The following KCNG3 variants were observed in gnomAD, a reference collection of about 807,000 sequenced individuals.
KCNG3 encodes potassium voltage-gated channel modifier subfamily G member 3, also known as voltage-gated potassium channel regulatory subunit KCNG3.
A neutral mutation model predicts 29.0 loss-of-function variants in KCNG3; 15 were observed. The observed-to-expected ratio is 0.52, with a 90% CI of 0.35 to 0.80. KCNG3 has a LOEUF of 0.80. Among genes scored for constraint, KCNG3 ranks in the 30% least tolerant of loss-of-function variants. The pLI is 0.01. For synonymous variants in KCNG3, 322 were observed against 248.9 expected, an observed-to-expected ratio of 1.29 and a Z score of -2.76; for missense variants, 512 against 605.7, an observed-to-expected ratio of 0.85 and a Z score of 1.62.
Position 42,492,930 on chromosome 2 carries a change from C to A in KCNG3, c.572G>T (p.Ser191Ile). 1.3e-6 allele frequency: 2 copies of A among 1,588,894 alleles called. No homozygotes were observed. The highest frequency in any genetic ancestry group is 1.7e-6 in the Non-Finnish European group (2 of 1,171,400). ...VIVSMVVLCASTLPDWRNAAA... is the reference protein window; with the variant it reads ...VIVSMVVLCAITLPDWRNAAA... ...TGCGTTGCGCCAGTCGGGCAACGTGCTGGCGCACAGCACCACCATGGACAC... is the reference window on the plus strand; with the variant it reads ...TGCGTTGCGCCAGTCGGGCAACGTGATGGCGCACAGCACCACCATGGACAC... Residue 191 changes from serine (S) to isoleucine (I), a missense_variant, in exon 1 of 2, where the codon AGC (serine) becomes ATC (isoleucine). Ser to Ile is a moderately radical substitution (Grantham distance 142, BLOSUM62 -2). Transcript: ENST00000306078.
the KCNG3 span, among the ~76,000 whole-genome samples, chr2:42,428,697 A>G: frequency 6.6e-6 from 1 of 152,208 alleles, no homozygotes; most frequent in Non-Finnish European, 1.5e-5. Flanking sequence ...AGCTAGCTTA[A>G]TAAATAATAA....
chr2:42,399,270 C>T, the KCNG3 span, among the ~76,000 whole-genome samples: 4 of 152,030 alleles, frequency 2.6e-5, no homozygotes, highest in Non-Finnish European at 4.4e-5. Flanking sequence ...TTGGCCCAGG[C>T]TGGTCTTGAA....
the KCNG3 span, among the ~76,000 whole-genome samples, chr2:42,429,490 A>C: frequency 6.6e-6 from 1 of 152,218 alleles, no homozygotes; most frequent in Non-Finnish European, 1.5e-5. Context: ...TCTTGAGTAT[A>C]CCAGACAGGT....
chr2:42,395,949 G>C, the KCNG3 span, among the ~76,000 whole-genome samples: 1 of 151,676 alleles, frequency 6.6e-6, no homozygotes, highest in East Asian at 1.9e-4. Flanking sequence ...GCAAAACCTT[G>C]TTTCAAAAAA....
At chr2:42,478,426 T>A (rs781609279) in intron 1 of KCNG3, among the ~76,000 whole-genome samples, 1 of 151,886 alleles carries the variant, frequency 6.6e-6, no homozygotes, top group Non-Finnish European at 1.5e-5. Context: ...AGAAGAGGTC[T>A]CATGATATTG....
At chr2:42,479,645 CAAA>C (rs1228507786) in intron 1 of KCNG3, among the ~76,000 whole-genome samples, 9 of 91,058 alleles carry the variant, frequency 9.9e-5, no homozygotes, top group Non-Finnish European at 1.2e-4. Flanking sequence ...GACCCTGTCT[CAAA>C]AAAAAAAAAA....
At chr2:42,479,412 G>C (rs1673523533) in intron 1 of KCNG3, among the ~76,000 whole-genome samples, 1 of 152,110 alleles carries the variant, frequency 6.6e-6, no homozygotes, top group Admixed American at 6.5e-5. Flanking sequence ...GGGAGGCCAA[G>C]GTGGGCAAAT....
intron 1 of KCNG3, among the ~76,000 whole-genome samples, chr2:42,457,306 G>A (rs1390954894): frequency 2.0e-5 from 3 of 148,632 alleles, no homozygotes; most frequent in African/African-American, 4.9e-5. Flanking sequence ...GCAACGTGAC[G>A]AAACTCCATC....
chr2:42,393,497 G>T, the KCNG3 span, among the ~76,000 whole-genome samples: 1 of 151,986 alleles, frequency 6.6e-6, no homozygotes, highest in Non-Finnish European at 1.5e-5. Flanking sequence ...GGAGGCAGAG[G>T]TTACAGTGAG....
intron 1 of KCNG3, among the ~76,000 whole-genome samples, chr2:42,491,550 T>C (rs1378737805): frequency 6.6e-6 from 1 of 152,212 alleles, no homozygotes; most frequent in Non-Finnish European, 1.5e-5. Flanking sequence ...AATTTCATTG[T>C]ATTGTTGGAG....
chr2:42,415,235 G>A, the KCNG3 span, among the ~76,000 whole-genome samples: 1 of 152,146 alleles, frequency 6.6e-6, no homozygotes. Context: ...CATGATTCCA[G>A]ATCATGCACT....
rs374768536 is a variant in KCNG3, at chr2:42,444,375, T to C, written c.870A>G (p.Val290=). 4 of 1,614,180 alleles carry C rather than the reference T, an allele frequency of 2.5e-6. No individual in the cohort carries two copies. Among genetic ancestry groups the C allele is most frequent in the African/African-American group, 1.3e-5 (1 of 75,054 alleles). The change falls in exon 2 of 2, where the codon GTA becomes GTG. Residue 290 remains valine (V), a synonymous_variant. Transcript: ENST00000306078. This position sits in a 1 kb window ranked among gnomAD's most constrained non-coding sequence, Gnocchi z 5.8. ...QLQRAGVTLR[V]LRMMRIFWVI... ...CCCAAAAAATCCTCATCATTCTAAGTACCCTCAAGGTGACTCCAGCCCTCT... is the reference window on the plus strand; with the variant it reads ...CCCAAAAAATCCTCATCATTCTAAGCACCCTCAAGGTGACTCCAGCCCTCT...
At chr2:42,462,841 G>T (rs1468887800) in intron 1 of KCNG3, among the ~76,000 whole-genome samples, 1 of 152,102 alleles carries the variant, frequency 6.6e-6, no homozygotes, top group East Asian at 1.9e-4. Flanking sequence ...AATTTACAAA[G>T]TGCCTATACA....
At chr2:42,425,298 C>G in the KCNG3 span, among the ~76,000 whole-genome samples, 1 of 148,974 alleles carries the variant, frequency 6.7e-6, no homozygotes, top group Admixed American at 6.8e-5. Context: ...ATTGGAGAGG[C>G]TGAGGCACGA....
intron 1 of KCNG3, among the ~76,000 whole-genome samples, chr2:42,471,563 G>A (rs1231035713): frequency 6.6e-6 from 1 of 152,132 alleles, no homozygotes; most frequent in Non-Finnish European, 1.5e-5. Flanking sequence ...CTGGAATAGT[G>A]ATGATAGTTG....
chr2:42,427,212 A>G, the KCNG3 span, among the ~76,000 whole-genome samples: 1 of 152,258 alleles, frequency 6.6e-6, no homozygotes, highest in Non-Finnish European at 1.5e-5. Flanking sequence ...AGGTATTCTG[A>G]AACTAAAGAA....
At chr2:42,478,272 G>C (rs898749483) in intron 1 of KCNG3, among the ~76,000 whole-genome samples, 4 of 152,104 alleles carry the variant, frequency 2.6e-5, no homozygotes, top group African/African-American at 9.7e-5. Context: ...GTCTCACTAT[G>C]TTGCCCAGGT....
At chr2:42,432,939 AAAAAAAAAAC>A in the KCNG3 span, among the ~76,000 whole-genome samples, 1 of 126,694 alleles carries the variant, frequency 7.9e-6, no homozygotes, top group African/African-American at 3.6e-5. Context: ...TATGATAAAA[AAAAAAAAAAC>A]AAAAAAACAA....
chr2:42,464,717 A>C (rs980984002), intron 1 of KCNG3, among the ~76,000 whole-genome samples: 4 of 152,074 alleles, frequency 2.6e-5, no homozygotes, highest in Non-Finnish European at 5.9e-5. Flanking sequence ...CCAGGCCTTC[A>C]AGTCTGAGCT....
Sources: gnomAD v4.1 joint callset for allele counts (sites outside exome capture counted in the v4.1 genomes callset) on GRCh38, gnomAD v4.1.1 for gene constraint, Gnocchi (gnomAD v3.1) non-coding constraint, MANE v1.5 for transcripts, NCBI Gene and HGNC (gene_info 2026-07-23, HGNC 2026-07-21) for gene names.